The following MAML3 variants were observed in gnomAD, a reference collection of about 807,000 sequenced individuals.
MAML3 encodes mastermind-like protein 3.
MAML3 carries 27 observed loss-of-function variants against 101.9 expected under a neutral mutation model. That is an observed-to-expected ratio of 0.27 (90% CI 0.20 to 0.37). The LOEUF is 0.37. Among genes scored for constraint, MAML3 ranks in the 10% least tolerant of loss-of-function variants. MAML3 has a pLI of 1.00. For missense variants in MAML3, 1,316 were observed against 1,444.9 expected, an observed-to-expected ratio of 0.91 and a Z score of 1.45; for synonymous variants, 501 against 555.9, an observed-to-expected ratio of 0.90 and a Z score of 1.39.
At chr4:139,934,500 T>C (rs1436404058) in intron 1 of MAML3, among the ~76,000 whole-genome samples, 1 of 152,080 alleles carries the variant, frequency 6.6e-6, no homozygotes, top group African/African-American at 2.4e-5. Context: ...GTGATGTCAC[T>C]CTCCATTAAT....
chr4:139,919,268 C>A (rs1275807363), intron 1 of MAML3, among the ~76,000 whole-genome samples: 1 of 152,180 alleles, frequency 6.6e-6, no homozygotes, highest in Non-Finnish European at 1.5e-5. Flanking sequence ...GATGAAGGAT[C>A]TCTCTAAGTC....
chr4:139,876,370 C>T (rs1466009804), intron 2 of MAML3, among the ~76,000 whole-genome samples: 1 of 152,228 alleles, frequency 6.6e-6, no homozygotes. Flanking sequence ...AAACCTGTCA[C>T]TGCTTTGAGA....
rs201111513 is a variant in MAML3 at position 140,149,931 on chromosome 4, GTTTC to G, written c.468+2925_468+2928del. The stretch of plus-strand genomic sequence containing the variant: ...AAAGGAAATATAACTTGTAGAGCAT[GTTTC>G]TTTCTTTTTTTTTTTTTTTTTTGGT... On this transcript the variant is annotated intron_variant, in intron 1 of 4. Transcript: ENST00000509479. Among the ~76,000 whole-genome samples the G allele has an allele frequency of 9.5e-3, 809 of 85,202 alleles. 3 individuals carry two copies. Among genetic ancestry groups the G allele is most frequent in the African/African-American group, 0.032 (768 of 24,216 alleles). 55.9% of individuals were successfully genotyped at this position (85,202 alleles called of 152,430 possible).
chr4:140,020,057 C>T (rs567830270), intron 1 of MAML3, among the ~76,000 whole-genome samples: 1 of 152,312 alleles, frequency 6.6e-6, no homozygotes, highest in Non-Finnish European at 1.5e-5. Context: ...TCTCAAGTCT[C>T]ATTTCAGAAG....
At chr4:139,807,584 A>G (rs1247866050) in intron 2 of MAML3, among the ~76,000 whole-genome samples, 1 of 152,156 alleles carries the variant, frequency 6.6e-6, no homozygotes, top group African/African-American at 2.4e-5. Context: ...TCCATAGGAT[A>G]CCTCAAGGGA....
rs58270046 is a variant in MAML3 at position 139,863,832 on chromosome 4, G to GTTTTT, written c.2079+25520_2079+25524dup. On this transcript the variant is annotated intron_variant, in intron 2 of 4. Transcript: ENST00000509479. ...TTTCTGTGGTAATACCAGAACATGG[G>GTTTTT]TTTTTTTTTTTTTTTTTTTTTTTTG... 2.6e-3 allele frequency among the ~76,000 whole-genome samples: 292 copies of GTTTTT among 111,194 alleles called. 12 individuals carry two copies. The highest frequency in any genetic ancestry group is 7.8e-3 in the African/African-American group (270 of 34,766). 72.9% of individuals were successfully genotyped at this position (111,194 alleles called of 152,430 possible). A position where few individuals can be genotyped will look rare whatever the true frequency, so the allele number is the denominator to read the frequency against.
At chr4:139,949,847 T>C (rs1479870616) in intron 1 of MAML3, among the ~76,000 whole-genome samples, 1 of 152,186 alleles carries the variant, frequency 6.6e-6, no homozygotes, top group Admixed American at 6.5e-5. Context: ...TAGTTTTAGA[T>C]GTGATTAACG....
intron 1 of MAML3, among the ~76,000 whole-genome samples, chr4:140,114,562 G>A (rs894368837): frequency 3.3e-5 from 5 of 152,140 alleles, no homozygotes; most frequent in Admixed American, 6.5e-5. Flanking sequence ...GAAACCCTCC[G>A]TACCTTTGAC....
At chr4:139,751,975 T>A (rs1729518578) in intron 2 of MAML3, among the ~76,000 whole-genome samples, 1 of 152,232 alleles carries the variant, frequency 6.6e-6, no homozygotes, top group Non-Finnish European at 1.5e-5. Context: ...CATTTATTAC[T>A]ACTATGGTCT....
At chr4:139,889,140 A>C (rs780693305) in intron 2 of MAML3, 25 of 869,998 alleles carry the variant, frequency 2.9e-5, no homozygotes, top group Non-Finnish European at 3.1e-5. Context: ...ATTCCTAGAC[A>C]CTGAAATACA....
chr4:139,829,150 GGAAA>G (rs1296146927), intron 2 of MAML3, among the ~76,000 whole-genome samples: 1 of 143,630 alleles, frequency 7.0e-6, no homozygotes, highest in African/African-American at 2.6e-5. Context: ...GAGGGAGGAA[GGAAA>G]GAAGGAAGGA....
intron 1 of MAML3, among the ~76,000 whole-genome samples, chr4:139,984,868 A>C (rs1734508591): frequency 6.6e-6 from 1 of 152,234 alleles, no homozygotes; most frequent in African/African-American, 2.4e-5. Flanking sequence ...ATACCTTCAC[A>C]GCAACAGCTA....
intron 1 of MAML3, among the ~76,000 whole-genome samples, chr4:140,128,814 C>T (rs1290416772): frequency 6.6e-6 from 1 of 152,212 alleles, no homozygotes; most frequent in African/African-American, 2.4e-5. Flanking sequence ...CCAGAAGCGT[C>T]TCCCTGTCCT....
chr4:140,069,572 GGGA>G (rs1232096619), intron 1 of MAML3, among the ~76,000 whole-genome samples: 185 of 112,016 alleles, frequency 1.7e-3, no homozygotes, highest in Middle Eastern at 5.6e-3. Flanking sequence ...GGAGGAGGAG[GGGA>G]GGAGGAGGAG....
chr4:139,790,375 CT>C (rs551120323), intron 2 of MAML3, among the ~76,000 whole-genome samples: 1 of 151,002 alleles, frequency 6.6e-6, no homozygotes, highest in Non-Finnish European at 1.5e-5. Context: ...GAACAAACCA[CT>C]TTTTTTCATT....
chr4:140,119,313 T>G (rs1020637348), intron 1 of MAML3, among the ~76,000 whole-genome samples: 14 of 152,162 alleles, frequency 9.2e-5, no homozygotes, highest in African/African-American at 3.1e-4. Flanking sequence ...GCCCACTCAC[T>G]TCAGGAGGCA....
intron 1 of MAML3, among the ~76,000 whole-genome samples, chr4:140,053,646 A>G (rs1727306131): frequency 3.3e-5 from 5 of 152,212 alleles, no homozygotes; most frequent in Admixed American, 3.3e-4. Flanking sequence ...GGGGCCAGCA[A>G]ATCTTTTTTT....
intron 2 of MAML3, among the ~76,000 whole-genome samples, chr4:139,748,471 G>A (rs1367888597): frequency 6.6e-6 from 1 of 152,162 alleles, no homozygotes; most frequent in Non-Finnish European, 1.5e-5. Context: ...ACATCAAAAC[G>A]TACAACAAGG....
intron 2 of MAML3, among the ~76,000 whole-genome samples, chr4:139,880,626 T>C (rs757867281): frequency 3.3e-5 from 5 of 152,244 alleles, no homozygotes; most frequent in Non-Finnish European, 7.3e-5. Context: ...GTTGACACTG[T>C]TGTCTTTTTC....
Sources: gnomAD v4.1 joint callset for allele counts (sites outside exome capture counted in the v4.1 genomes callset) on GRCh38, gnomAD v4.1.1 for gene constraint, MANE v1.5 for transcripts, NCBI Gene and HGNC (gene_info 2026-07-23, HGNC 2026-07-21) for gene names.